The following NEK10 variants were observed in gnomAD, a reference collection of about 807,000 sequenced individuals.
NEK10 encodes the protein serine/threonine-protein kinase Nek10.
NEK10 carries 122 observed loss-of-function variants against 159.8 expected under a neutral mutation model. The ratio of observed to expected loss-of-function variants is 0.76; its 90% CI spans 0.66 to 0.89. The LOEUF (loss-of-function observed/expected upper bound fraction) is 0.89. Among genes scored for constraint, NEK10 ranks in the 40% least tolerant of loss-of-function variants. The pLI is 0.00. For missense variants in NEK10, 1,342 were observed against 1,323.1 expected (o/e 1.01, Z -0.22); for synonymous variants, 466 against 457.1 (o/e 1.02, Z -0.25).
At chr3:27,284,535 G>C (rs2042432190) in intron 22 of NEK10, 67 bp downstream of exon 22, 1 of 897,474 alleles carries the variant, frequency 1.1e-6, no homozygotes, top group African/African-American at 1.6e-5. Flanking sequence ...AGTTCTACTG[G>C]ACACTACTAC....
intron 23 of NEK10, among the ~76,000 whole-genome samples, chr3:27,203,927 C>T (rs11709858): frequency 0.23 from 35,656 of 151,972 alleles, 4,514 homozygotes; most frequent in Middle Eastern, 0.38. Flanking sequence ...GGGGCTGAGA[C>T]TTCCGCAGGG....
chr3:27,326,142 A>G lies in NEK10; in HGVS notation c.363-3881T>C, dbSNP rs111603623. On this transcript the variant is annotated intron_variant, in intron 5 of 35. Coordinates refer to ENST00000691995, the MANE Select transcript of NEK10 (RefSeq NM_001394966.1). ...CATTTTGAACTCAAAATGATCATCT[A>G]TGGGGGCACTTACTAAAAATATGGT... Among the ~76,000 whole-genome samples, 355 of 152,312 alleles carry G rather than the reference A, an allele frequency of 2.3e-3. 4 individuals carry two copies. The highest frequency in any genetic ancestry group is 8.3e-3 in the African/African-American group (346 of 41,578).
intron 28 of NEK10, 116 bp downstream of exon 28, chr3:27,174,323 C>A (rs1458915144): frequency 3.9e-6 from 6 of 1,543,600 alleles, no homozygotes; most frequent in Non-Finnish European, 5.2e-6. Context: ...AGCACTGCAC[C>A]TGAAAAACAA....
intron 31 of NEK10, among the ~76,000 whole-genome samples, chr3:27,138,782 G>A (rs764598537): frequency 3.1e-4 from 47 of 152,174 alleles, no homozygotes; most frequent in Non-Finnish European, 6.0e-4. Context: ...TGGGATGCTA[G>A]TAATCCATGG....
chr3:27,143,195 A>C (rs1487003184), intron 30 of NEK10, among the ~76,000 whole-genome samples: 1 of 152,246 alleles, frequency 6.6e-6, no homozygotes. Flanking sequence ...GTCTAGACCC[A>C]AAACAAATAC....
intron 26 of NEK10, among the ~76,000 whole-genome samples, chr3:27,183,590 A>T (rs992117800): frequency 2.6e-5 from 4 of 152,100 alleles, no homozygotes; most frequent in African/African-American, 9.6e-5. Flanking sequence ...AGTCTTCATC[A>T]AAATTAAAAT....
chr3:27,143,474 C>G, intron 30 of NEK10: 1 of 760,190 alleles, frequency 1.3e-6, no homozygotes, highest in Non-Finnish European at 2.4e-6. Context: ...CATCTGTGGC[C>G]CTAAATACAA....
intron 23 of NEK10, among the ~76,000 whole-genome samples, chr3:27,226,110 C>T (rs566609343): frequency 7.2e-5 from 11 of 152,134 alleles, no homozygotes; most frequent in African/African-American, 2.4e-4. Flanking sequence ...TGGCTCACTG[C>T]AAGCTCTGCC....
chr3:27,107,170 G>C lies in NEK10; in HGVS notation c.*4102C>G, dbSNP rs571839248. On this transcript the variant is annotated 3_prime_UTR_variant, in exon 36 of 36. Coordinates refer to ENST00000691995, the MANE Select transcript of NEK10 (RefSeq NM_001394966.1). ...AGCAAGTATGCAGCTGTGATTTTAG[G>C]GTACGTGATCTTCATTTTTAAAAAC... Among the ~76,000 whole-genome samples the C allele has an allele frequency of 6.6e-6, 1 of 151,938 alleles. No individual in the cohort carries two copies. The highest frequency in any genetic ancestry group is 2.1e-4 in the South Asian group (1 of 4,776).
intron 26 of NEK10, among the ~76,000 whole-genome samples, chr3:27,183,416 T>G: frequency 6.8e-6 from 1 of 146,388 alleles, no homozygotes; most frequent in Admixed American, 6.8e-5. Flanking sequence ...AACCAAAAAG[T>G]CAATCTCCTC....
At chr3:27,208,671 T>C (rs771878777) in intron 23 of NEK10, among the ~76,000 whole-genome samples, 2 of 152,204 alleles carry the variant, frequency 1.3e-5, no homozygotes, top group Non-Finnish European at 2.9e-5. Context: ...TAAATGGGTA[T>C]AAGAGTCATT....
chr3:27,248,979 G>A (rs1955382118), intron 23 of NEK10, among the ~76,000 whole-genome samples: 2 of 152,084 alleles, frequency 1.3e-5, no homozygotes, highest in Admixed American at 1.3e-4. Flanking sequence ...TGTTGATAAT[G>A]GTTTGGCTAC....
At chr3:27,133,023 C>T (rs1029594221) in intron 31 of NEK10, among the ~76,000 whole-genome samples, 1 of 152,162 alleles carries the variant, frequency 6.6e-6, no homozygotes, top group Non-Finnish European at 1.5e-5. Context: ...CATGTGACTA[C>T]TTTTGGTCAA....
intron 30 of NEK10, among the ~76,000 whole-genome samples, chr3:27,156,235 G>C (rs565774093): frequency 3.3e-5 from 5 of 152,080 alleles, no homozygotes; most frequent in Admixed American, 1.3e-4. Flanking sequence ...CTAGAGATTG[G>C]CTTAGGCAAG....
rs1309855665 is a variant in NEK10, at chr3:27,119,814, G to A, written c.3136C>T (p.His1046Tyr). The A allele has an allele frequency of 1.9e-6, 3 of 1,613,930 alleles. No homozygotes were observed. The highest frequency in any genetic ancestry group is 2.5e-6 in the Non-Finnish European group (3 of 1,179,888). ...CCACCGGATGAACGATGTAATAAAT[G>A]GTAATCTGCTGTGAAAAAGTTGGGC... The part of the protein sequence containing the change: ...IEPNFFTADY[H>Y]LLHRSSGGNS... Residue 1046 changes from histidine to tyrosine, a missense_variant, in exon 33 of 36, where the codon CAT becomes TAT. Physicochemically the swap from His to Tyr is moderately conservative, Grantham distance 83 (BLOSUM62 2). Coordinates refer to ENST00000691995, the MANE Select transcript of NEK10 (RefSeq NM_001394966.1).
At chr3:27,173,617 T>G (rs1407135759) in intron 28 of NEK10, among the ~76,000 whole-genome samples, 1 of 152,234 alleles carries the variant, frequency 6.6e-6, no homozygotes, top group South Asian at 2.1e-4. Flanking sequence ...GGGTTCTACT[T>G]TGATCCTTAG....
intron 23 of NEK10, among the ~76,000 whole-genome samples, chr3:27,204,140 G>A (rs1950280742): frequency 6.6e-6 from 1 of 152,056 alleles, no homozygotes; most frequent in Non-Finnish European, 1.5e-5. Flanking sequence ...CAAAGCACAA[G>A]CTGTGAGTGT....
chr3:27,275,032 T>C (rs1458296917), intron 22 of NEK10, among the ~76,000 whole-genome samples: 2 of 152,130 alleles, frequency 1.3e-5, no homozygotes, highest in African/African-American at 4.8e-5. Flanking sequence ...GTCTTCGGTG[T>C]TTTTATTTGG....
chr3:27,324,259 G>C (rs1020379869), intron 5 of NEK10, among the ~76,000 whole-genome samples: 1 of 152,148 alleles, frequency 6.6e-6, no homozygotes, highest in East Asian at 1.9e-4. Context: ...TCCTAATGTT[G>C]CTTCATAGGC....
Sources: gnomAD v4.1 joint callset for allele counts (sites outside exome capture counted in the v4.1 genomes callset) on GRCh38, gnomAD v4.1.1 for gene constraint, MANE v1.5 for transcripts, NCBI Gene and HGNC (gene_info 2026-07-23, HGNC 2026-07-21) for gene names.